The following FSTL4 variants were observed in gnomAD, a reference collection of about 807,000 sequenced individuals.
FSTL4 encodes follistatin like 4.
In FSTL4, 28 loss-of-function variants were observed where a neutral mutation model predicts 78.2. That is an observed-to-expected ratio of 0.36 (90% CI 0.27 to 0.49). FSTL4 has a LOEUF of 0.49. FSTL4 is among the 20% of genes least tolerant of loss of function. FSTL4 has a pLI of 0.98. For missense variants in FSTL4, 922 were observed against 1,084.9 expected, an observed-to-expected ratio of 0.85 and a Z score of 2.11; for synonymous variants, 422 against 440.5, an observed-to-expected ratio of 0.96 and a Z score of 0.53.
At chr5:133,240,289 A>G (rs1389670826) in intron 7 of FSTL4, among the ~76,000 whole-genome samples, 2 of 152,182 alleles carry the variant, frequency 1.3e-5, no homozygotes, top group East Asian at 1.9e-4. Flanking sequence ...GAACCCACCA[A>G]TTCCGGACAT....
the FSTL4 span, among the ~76,000 whole-genome samples, chr5:133,744,289 C>A: frequency 2.0e-5 from 3 of 152,198 alleles, no homozygotes; most frequent in Non-Finnish European, 4.4e-5. Context: ...TAAAAACAAG[C>A]CTCATGGAAT....
the FSTL4 span, among the ~76,000 whole-genome samples, chr5:133,625,430 T>A: frequency 1.3e-5 from 2 of 151,548 alleles, no homozygotes; most frequent in African/African-American, 2.4e-5. Context: ...TTATTCTTTG[T>A]TTGATGTCTA....
the FSTL4 span, among the ~76,000 whole-genome samples, chr5:133,827,343 G>A: frequency 2.0e-5 from 3 of 152,126 alleles, no homozygotes; most frequent in Non-Finnish European, 2.9e-5. Flanking sequence ...TGACAGCAGC[G>A]GGGCGATCAA....
chr5:133,643,388 C>T, the FSTL4 span, among the ~76,000 whole-genome samples: 2 of 152,174 alleles, frequency 1.3e-5, no homozygotes, highest in Non-Finnish European at 1.5e-5. Flanking sequence ...GAAGAAAAGG[C>T]ACAGTGGCTC....
chr5:133,459,224 T>C (rs1367916473), intron 3 of FSTL4, among the ~76,000 whole-genome samples: 5 of 152,098 alleles, frequency 3.3e-5, no homozygotes, highest in African/African-American at 1.2e-4. Flanking sequence ...ATTCTGAGGC[T>C]AAAAACAAAG....
chr5:133,701,892 C>G, the FSTL4 span, among the ~76,000 whole-genome samples: 1 of 152,110 alleles, frequency 6.6e-6, no homozygotes, highest in Admixed American at 6.5e-5. Context: ...TGCCTGGGTT[C>G]AACTGATGCT....
At chr5:133,508,170 C>A (rs1052708322) in intron 3 of FSTL4, among the ~76,000 whole-genome samples, 3 of 152,120 alleles carry the variant, frequency 2.0e-5, no homozygotes, top group African/African-American at 7.2e-5. Context: ...TAGCACCACC[C>A]CCTCAAAGTG....
chr5:133,697,603 G>C, the FSTL4 span, among the ~76,000 whole-genome samples: 1 of 152,322 alleles, frequency 6.6e-6, no homozygotes, highest in East Asian at 1.9e-4. Flanking sequence ...ATTTTTAAGA[G>C]GCTGAATTTA....
chr5:133,766,356 C>A, the FSTL4 span, among the ~76,000 whole-genome samples: 1 of 152,132 alleles, frequency 6.6e-6, no homozygotes, highest in East Asian at 1.9e-4. Context: ...ATGTGTCCCA[C>A]GAAGTCCAAG....
the FSTL4 span, among the ~76,000 whole-genome samples, chr5:133,665,185 A>G: frequency 6.6e-6 from 1 of 152,194 alleles, no homozygotes; most frequent in Admixed American, 6.5e-5. Flanking sequence ...AAAGAATTGC[A>G]GTATTTAGGA....
chr5:133,294,484 C>T (rs1753342530), intron 6 of FSTL4, among the ~76,000 whole-genome samples: 1 of 152,206 alleles, frequency 6.6e-6, no homozygotes, highest in South Asian at 2.1e-4. Context: ...CTCTTTGCTG[C>T]AGTCACCTGC....
chr5:133,678,847 C>T, the FSTL4 span, among the ~76,000 whole-genome samples: 1 of 151,958 alleles, frequency 6.6e-6, no homozygotes, highest in African/African-American at 2.4e-5. Flanking sequence ...TATTTTGAGG[C>T]TGGGAAGAAG....
chr5:133,499,377 C>CACAA (rs1758440829), intron 3 of FSTL4, among the ~76,000 whole-genome samples: 1 of 134,208 alleles, frequency 7.5e-6, no homozygotes, highest in South Asian at 2.2e-4. Context: ...AATACACACA[C>CACAA]ACACACACAC....
intron 6 of FSTL4, among the ~76,000 whole-genome samples, chr5:133,273,555 T>C (rs1218572961): frequency 6.6e-6 from 1 of 152,122 alleles, no homozygotes; most frequent in Non-Finnish European, 1.5e-5. Flanking sequence ...ACTGAAGAAG[T>C]TGGCAGCCCT....
At chr5:133,703,199 C>T in the FSTL4 span, among the ~76,000 whole-genome samples, 3 of 152,206 alleles carry the variant, frequency 2.0e-5, no homozygotes, top group Non-Finnish European at 4.4e-5. Flanking sequence ...ACAGTAAAAA[C>T]CTTTTATGGC....
At chr5:133,380,702 C>T (rs1037983544) in intron 4 of FSTL4, among the ~76,000 whole-genome samples, 5 of 151,544 alleles carry the variant, frequency 3.3e-5, no homozygotes, top group Non-Finnish European at 7.4e-5. Flanking sequence ...ATATCAAAAC[C>T]AGGCAAGACA....
chr5:133,715,509 G>A, the FSTL4 span, among the ~76,000 whole-genome samples: 199 of 152,272 alleles, frequency 1.3e-3, 1 homozygote, highest in African/African-American at 4.6e-3. Context: ...CAGACAGAAA[G>A]GCATATCTTG....
chr5:133,664,328 A>T, the FSTL4 span, among the ~76,000 whole-genome samples: 26 of 151,796 alleles, frequency 1.7e-4, no homozygotes, highest in Non-Finnish European at 3.2e-4. Context: ...TTTAAAAAAA[A>T]TTCCAGTAGA....
chr5:133,686,154 C>T, the FSTL4 span, among the ~76,000 whole-genome samples: 1 of 152,204 alleles, frequency 6.6e-6, no homozygotes, highest in Non-Finnish European at 1.5e-5. Context: ...GCTGTCATCC[C>T]TCTGGCCCTT....
Sources: gnomAD v4.1 joint callset for allele counts (sites outside exome capture counted in the v4.1 genomes callset) on GRCh38, gnomAD v4.1.1 for gene constraint, MANE v1.5 for transcripts, NCBI Gene and HGNC (gene_info 2026-07-23, HGNC 2026-07-21) for gene names.